Variants in PTPRO observed in about 807,000 individuals in gnomAD.
The protein encoded by PTPRO is protein tyrosine phosphatase receptor type O.
In PTPRO, 62 loss-of-function variants were observed where a neutral mutation model predicts 145.2. The observed-to-expected ratio is 0.43, with a 90% CI of 0.35 to 0.53. The LOEUF is 0.53. Ranked by LOEUF, PTPRO falls within the 20% of genes least tolerant of loss-of-function variation. The pLI, the probability that PTPRO is intolerant of heterozygous loss-of-function variation, is 0.01. For synonymous variants in PTPRO, 565 were observed against 514.7 expected (o/e 1.10, Z -1.32); for missense variants, 1,345 against 1,482.7 (o/e 0.91, Z 1.53).
chr12:15,553,388 G>T (rs1016500879), intron 15 of PTPRO, among the ~76,000 whole-genome samples: 1 of 152,158 alleles, frequency 6.6e-6, no homozygotes, highest in Non-Finnish European at 1.5e-5. Context: ...AGGTGGGTAG[G>T]CTTCACTGAA....
chr12:15,569,916 T>C (rs1363252536), intron 19 of PTPRO, among the ~76,000 whole-genome samples: 1 of 152,174 alleles, frequency 6.6e-6, no homozygotes, highest in Non-Finnish European at 1.5e-5. Flanking sequence ...ACCCCCTTTG[T>C]GTCCTGGGCA....
Position 15,546,570 on chromosome 12 carries a change from A to G in PTPRO, c.2166A>G (p.Glu722=). 5.0e-6 allele frequency: 8 copies of G among 1,602,740 alleles called. No individual in the cohort carries two copies. Among genetic ancestry groups the G allele is most frequent in the Non-Finnish European group, 6.8e-6 (8 of 1,173,888 alleles). Residue 722 remains glutamate (E), a splice_region_variant and synonymous_variant, in exon 13 of 27, where the codon GAA becomes GAG. Coordinates refer to ENST00000281171, the MANE Select transcript of PTPRO (RefSeq NM_030667.3). ...TTTTAAAACTTTGTCTTTGCTCAGAACCAGCTCCACCCAAATCACTCTTCG... is the reference window on the plus strand; with the variant it reads ...TTTTAAAACTTTGTCTTTGCTCAGAGCCAGCTCCACCCAAATCACTCTTCG... ...NTSMLRLVKL[E]PAPPKSLFAV... is the part of the protein sequence containing the mutation.
intron 1 of PTPRO, among the ~76,000 whole-genome samples, chr12:15,436,499 G>A (rs757901101): frequency 1.4e-4 from 21 of 152,204 alleles, no homozygotes; most frequent in Admixed American, 2.6e-4. Context: ...GAGAGAGGCA[G>A]AGAGTTTCCC....
chr12:15,419,820 T>C (rs1194532930), intron 1 of PTPRO, among the ~76,000 whole-genome samples: 1 of 151,582 alleles, frequency 6.6e-6, no homozygotes, highest in Non-Finnish European at 1.5e-5. Flanking sequence ...AAAACATCCA[T>C]TCAACAAACC....
chr12:15,501,986 T>C lies in PTPRO; in HGVS notation c.1028T>C (p.Val343Ala). The part of the protein sequence containing the change: ...STSGSFSFFP[V>A]QMILTWLPPK... ...TCAGGCTCTTTCTCCTTTTTCCCTG[T>C]GCAAATGATATTGACCTGGTTACCA... Residue 343 changes from valine to alanine, a missense_variant, in exon 5 of 27, where the codon GTG becomes GCG. Val to Ala is a moderately conservative substitution (Grantham distance 64). Around this residue, in one of 3 missense-constraint regions of PTPRO, gnomAD observed 1,130 missense variants for 1,214.7 expected, o/e 0.93. Coordinates refer to ENST00000281171, the MANE Select transcript of PTPRO (RefSeq NM_030667.3). The C allele has an allele frequency of 1.9e-6, 3 of 1,614,032 alleles. No homozygotes were observed. The East Asian group carries it at 6.7e-5, about 36-fold the overall frequency.
At chr12:15,486,252 T>C (rs1941883184) in intron 2 of PTPRO, among the ~76,000 whole-genome samples, 1 of 152,252 alleles carries the variant, frequency 6.6e-6, no homozygotes, top group Non-Finnish European at 1.5e-5. Context: ...AAGATTGCTA[T>C]GTCTTCTTGA....
At chr12:15,362,803 C>A (rs1044897152) in intron 1 of PTPRO, among the ~76,000 whole-genome samples, 3 of 152,016 alleles carry the variant, frequency 2.0e-5, no homozygotes, top group Admixed American at 2.0e-4. Context: ...TATGCATATT[C>A]AAATGTATTA....
chr12:15,359,318 T>G (rs1938098534), intron 1 of PTPRO, among the ~76,000 whole-genome samples: 1 of 152,120 alleles, frequency 6.6e-6, no homozygotes, highest in South Asian at 2.1e-4. Flanking sequence ...GTTTTATACC[T>G]TTCATTATTG....
chr12:15,450,649 A>G (rs764135709), intron 1 of PTPRO, among the ~76,000 whole-genome samples: 2 of 151,962 alleles, frequency 1.3e-5, no homozygotes, highest in Non-Finnish European at 2.9e-5. Flanking sequence ...CGTGTGTGCC[A>G]ATATTCCCAG....
At chr12:15,574,314 G>C (rs374767220) in intron 19 of PTPRO, among the ~76,000 whole-genome samples, 8 of 152,084 alleles carry the variant, frequency 5.3e-5, no homozygotes, top group African/African-American at 1.9e-4. Context: ...GATTAAAATA[G>C]GTTCCTCATT....
intron 1 of PTPRO, among the ~76,000 whole-genome samples, chr12:15,348,938 G>A (rs924930372): frequency 2.6e-5 from 4 of 152,200 alleles, no homozygotes; most frequent in African/African-American, 9.7e-5. Context: ...GTATAAATTT[G>A]TTGGAGCAGC....
At chr12:15,444,817 T>C (rs1198776320) in intron 1 of PTPRO, among the ~76,000 whole-genome samples, 1 of 152,124 alleles carries the variant, frequency 6.6e-6, no homozygotes, top group Non-Finnish European at 1.5e-5. Context: ...TAAATTTCTG[T>C]TGTTTATAAG....
intron 12 of PTPRO, among the ~76,000 whole-genome samples, chr12:15,530,115 T>C (rs1942930945): frequency 6.6e-6 from 1 of 152,164 alleles, no homozygotes; most frequent in Non-Finnish European, 1.5e-5. Flanking sequence ...AATCTAGAAT[T>C]GTAAAAACAG....
chr12:15,359,480 AGTGGC>A (rs1273804324), intron 1 of PTPRO, among the ~76,000 whole-genome samples: 1 of 134,088 alleles, frequency 7.5e-6, no homozygotes, highest in Non-Finnish European at 1.5e-5. Flanking sequence ...GCTGGAGTGC[AGTGGC>A]GTGATCTCCT....
At chr12:15,388,857 C>T (rs1939104718) in intron 1 of PTPRO, among the ~76,000 whole-genome samples, 2 of 151,964 alleles carry the variant, frequency 1.3e-5, no homozygotes, top group Admixed American at 6.6e-5. Context: ...TGTTTAATAA[C>T]CACATGTGAT....
intron 1 of PTPRO, among the ~76,000 whole-genome samples, chr12:15,435,358 T>A (rs997715260): frequency 1.3e-5 from 2 of 152,182 alleles, no homozygotes; most frequent in Admixed American, 1.3e-4. Flanking sequence ...AGTATAAAAA[T>A]TTTTGTGTAA....
chr12:15,324,856 T>C (rs568193371), intron 1 of PTPRO, among the ~76,000 whole-genome samples: 4 of 152,318 alleles, frequency 2.6e-5, no homozygotes, highest in Non-Finnish European at 4.4e-5. Flanking sequence ...TGTAATATCT[T>C]ACATTTAGAG....
chr12:15,555,896 C>T (rs1943609152), intron 15 of PTPRO, among the ~76,000 whole-genome samples: 1 of 152,100 alleles, frequency 6.6e-6, no homozygotes, highest in Non-Finnish European at 1.5e-5. Flanking sequence ...TTAGTATATT[C>T]AATGTCAATA....
chr12:15,497,167 T>A, intron 2 of PTPRO, 78 bp from the exon 3 acceptor site: 2 of 1,335,420 alleles, frequency 1.5e-6, no homozygotes, highest in Non-Finnish European at 2.1e-6. Flanking sequence ...GGTGTAATCC[T>A]TGCTTAATTC....
Sources: gnomAD v4.1 joint callset for allele counts (sites outside exome capture counted in the v4.1 genomes callset) on GRCh38, gnomAD v4.1.1 for gene constraint, gnomAD v4.1.1 regional missense constraint, MANE v1.5 for transcripts, NCBI Gene and HGNC (gene_info 2026-07-23, HGNC 2026-07-21) for gene names.